The following PCDH9 variants were observed in gnomAD, a reference collection of about 807,000 sequenced individuals.
PCDH9 encodes the protein protocadherin 9, also known as protocadherin-9.
A neutral mutation model predicts 70.6 loss-of-function variants in PCDH9; 24 were observed. The ratio of observed to expected loss-of-function variants is 0.34; its 90% CI spans 0.25 to 0.48. The LOEUF is 0.48. PCDH9 is among the 20% of genes least tolerant of loss of function. The pLI is 0.99. For missense variants in PCDH9, 1,281 were observed against 1,503.6 expected (o/e 0.85, Z 2.45); for synonymous variants, 562 against 558.5 (o/e 1.01, Z -0.09).
chr13:66,955,467 G>T (rs2083252783), intron 2 of PCDH9, among the ~76,000 whole-genome samples: 1 of 152,046 alleles, frequency 6.6e-6, no homozygotes, highest in Non-Finnish European at 1.5e-5. Flanking sequence ...TAAATGTAAG[G>T]TGTCATTTTT....
chr13:67,184,405 T>C (rs2088695499), intron 2 of PCDH9, among the ~76,000 whole-genome samples: 1 of 152,090 alleles, frequency 6.6e-6, no homozygotes, highest in Non-Finnish European at 1.5e-5. Context: ...TTCAGATCTC[T>C]GTGAATTTAT....
intron 3 of PCDH9, among the ~76,000 whole-genome samples, chr13:66,775,541 T>G (rs75903877): frequency 1.9e-3 from 291 of 152,278 alleles, no homozygotes; most frequent in African/African-American, 6.8e-3. Flanking sequence ...CTCCTCTTTC[T>G]TCTCCTCCTC....
intron 3 of PCDH9, among the ~76,000 whole-genome samples, chr13:66,741,986 A>G (rs1452396473): frequency 1.4e-5 from 2 of 147,464 alleles, no homozygotes; most frequent in African/African-American, 2.6e-5. Flanking sequence ...GAATTGGAAA[A>G]AACTACTTTA....
chr13:66,739,077 A>C (rs1171555670), intron 3 of PCDH9, among the ~76,000 whole-genome samples: 5 of 133,450 alleles, frequency 3.7e-5, no homozygotes, highest in Admixed American at 7.9e-5. Context: ...AAAAATGTTA[A>C]GGGCAGCCAG....
chr13:66,770,771 CTTCT>C (rs1332800535), intron 3 of PCDH9, among the ~76,000 whole-genome samples: 1 of 152,158 alleles, frequency 6.6e-6, no homozygotes, highest in Non-Finnish European at 1.5e-5. Flanking sequence ...CAAACTCTTC[CTTCT>C]TTGTCTTTTT....
chr13:66,509,134 G>T (rs1339050553), intron 4 of PCDH9, among the ~76,000 whole-genome samples: 1 of 152,132 alleles, frequency 6.6e-6, no homozygotes, highest in African/African-American at 2.4e-5. Flanking sequence ...CTTCCCCTCA[G>T]CCCAACTACA....
At chr13:66,858,408 C>T (rs2081429471) in intron 3 of PCDH9, among the ~76,000 whole-genome samples, 1 of 152,128 alleles carries the variant, frequency 6.6e-6, no homozygotes, top group South Asian at 2.1e-4. Context: ...TACAAGGTTA[C>T]AAGTGGCCTG....
At chr13:66,835,258 T>C (rs1463503302) in intron 3 of PCDH9, among the ~76,000 whole-genome samples, 1 of 152,210 alleles carries the variant, frequency 6.6e-6, no homozygotes, top group Non-Finnish European at 1.5e-5. Flanking sequence ...TTCCCAGAAC[T>C]CCCGCACACC....
intron 4 of PCDH9, among the ~76,000 whole-genome samples, chr13:66,528,139 T>C (rs927767933): frequency 1.3e-5 from 2 of 152,150 alleles, no homozygotes; most frequent in Non-Finnish European, 2.9e-5. Flanking sequence ...TTTCACCAAC[T>C]CTCAGTTGAC....
chr13:66,815,770 G>T (rs2080592427), intron 3 of PCDH9, among the ~76,000 whole-genome samples: 1 of 152,086 alleles, frequency 6.6e-6, no homozygotes, highest in South Asian at 2.1e-4. Flanking sequence ...GAGGCTGGAG[G>T]GACAGAGAAG....
chr13:66,979,810 T>C (rs1195350440), intron 2 of PCDH9, among the ~76,000 whole-genome samples: 1 of 152,142 alleles, frequency 6.6e-6, no homozygotes, highest in Non-Finnish European at 1.5e-5. Context: ...TTTGACTATG[T>C]TGTACTTGAA....
At chr13:66,327,621 A>G (rs978973692) in intron 4 of PCDH9, among the ~76,000 whole-genome samples, 2 of 152,176 alleles carry the variant, frequency 1.3e-5, no homozygotes, top group Admixed American at 6.5e-5. Context: ...CTCAATTTTG[A>G]GCACCAAAGT....
chr13:66,697,926 T>C (rs1296294217), intron 3 of PCDH9, among the ~76,000 whole-genome samples: 2 of 152,200 alleles, frequency 1.3e-5, no homozygotes, highest in African/African-American at 2.4e-5. Flanking sequence ...ATACATAAAA[T>C]GTAACATAAT....
chr13:67,026,658 GA>G (rs2084788617), intron 2 of PCDH9, among the ~76,000 whole-genome samples: 1 of 151,996 alleles, frequency 6.6e-6, no homozygotes, highest in Non-Finnish European at 1.5e-5. Context: ...TGTATATCTA[GA>G]AAAACCCATT....
intron 3 of PCDH9, among the ~76,000 whole-genome samples, chr13:66,757,824 T>C (rs2079560022): frequency 6.6e-6 from 1 of 152,012 alleles, no homozygotes; most frequent in Non-Finnish European, 1.5e-5. Context: ...AAAATGAAAA[T>C]ATACCAATTT....
rs184537971 is a variant in PCDH9 at position 66,682,669 on chromosome 13, G to A, written c.3139-51258C>T. Among the ~76,000 whole-genome samples the A allele has an allele frequency of 2.4e-3, 363 of 152,166 alleles. 1 individual carries two copies. The highest frequency in any genetic ancestry group is 3.8e-3 in the Non-Finnish European group (261 of 67,984). ...GGAAATATTATAGTCAGAGTGTATT[G>A]TAATTTTTAGAATTTCACATTTTAT... On this transcript the variant is annotated intron_variant, in intron 3 of 4. Coordinates refer to ENST00000377865, the MANE Select transcript of PCDH9 (RefSeq NM_203487.3).
At chr13:66,472,665 A>G (rs12584861) in intron 4 of PCDH9, among the ~76,000 whole-genome samples, 1 of 152,182 alleles carries the variant, frequency 6.6e-6, no homozygotes, top group Non-Finnish European at 1.5e-5. Flanking sequence ...CTATGTCTTA[A>G]TATTGAAAGT....
chr13:66,925,220 T>G (rs1566296823), intron 2 of PCDH9, among the ~76,000 whole-genome samples: 1 of 151,858 alleles, frequency 6.6e-6, no homozygotes, highest in Non-Finnish European at 1.5e-5. Context: ...AAATACAATT[T>G]CTAAATATTC....
At chr13:66,807,899 T>A (rs1433435190) in intron 3 of PCDH9, among the ~76,000 whole-genome samples, 2 of 152,138 alleles carry the variant, frequency 1.3e-5, no homozygotes, top group Non-Finnish European at 2.9e-5. Context: ...TCTAAAGAAG[T>A]CAGATATACA....
Sources: allele counts gnomAD v4.1 joint callset (sites outside exome capture counted in the v4.1 genomes callset), GRCh38; gene constraint gnomAD v4.1.1; transcripts MANE v1.5; gene names NCBI Gene and HGNC (gene_info 2026-07-23, HGNC 2026-07-21).